Variants in DIP2A observed in about 807,000 individuals in gnomAD.
The protein encoded by DIP2A is disco-interacting protein 2 homolog A.
A neutral mutation model predicts 177.4 loss-of-function variants in DIP2A; 85 were observed. That is an observed-to-expected ratio of 0.48 (90% CI 0.40 to 0.57). The LOEUF is 0.57. DIP2A is among the 20% of genes least tolerant of loss of function. DIP2A has a pLI of 0.00. For missense variants in DIP2A, 1,791 were observed against 2,100.2 expected (o/e 0.85, Z 2.88); for synonymous variants, 886 against 881.8 (o/e 1.00, Z -0.08).
intron 27 of DIP2A, 36 bp from the exon 28 acceptor site, chr21:46,554,786 G>GGGGGGGGGGGGGGCCC: frequency 3.3e-6 from 5 of 1,519,036 alleles, no homozygotes; most frequent in Non-Finnish European, 3.5e-6. Flanking sequence ...AGCTTGAGAG[G>GGGGGGGGGGGGGGCCC]CCCCGCCCAC....
chr21:46,560,626 G>A (rs941341738), intron 32 of DIP2A, 96 bp from the exon 33 acceptor site: 12 of 1,508,810 alleles, frequency 8.0e-6, no homozygotes, highest in East Asian at 5.0e-5. Flanking sequence ...GGGTGTCCCC[G>A]GGGGCCAGGG....
chr21:46,468,261 C>CA (rs1207842729), intron 1 of DIP2A, among the ~76,000 whole-genome samples: 50,573 of 87,818 alleles, frequency 0.58, 15,270 homozygotes, highest in Middle Eastern at 0.68. Flanking sequence ...GAGACTGTCT[C>CA]AAAAAAAAAA....
Position 46,556,125 on chromosome 21 carries a change from C to G in DIP2A, c.3498+34C>G. The G allele has an allele frequency of 6.3e-7, 1 of 1,580,806 alleles. No individual in the cohort carries two copies. The highest frequency in any genetic ancestry group is 8.7e-7 in the Non-Finnish European group (1 of 1,150,244). ...TCTGAAATCTTGTTTGCTTCAGCCC[C>G]TAGAAATCAGGAGGAGTGGACAGAA... is the stretch of plus-strand genomic sequence containing the variant. On this transcript the variant is annotated intron_variant, in intron 29 of 37. Transcript: ENST00000417564. This position sits in a 1 kb window ranked among gnomAD's most constrained non-coding sequence, Gnocchi z 4.5.
At chr21:46,493,518 TTTAAA>T (rs2057139539) in intron 3 of DIP2A, among the ~76,000 whole-genome samples, 1 of 151,954 alleles carries the variant, frequency 6.6e-6, no homozygotes, top group African/African-American at 2.4e-5. Context: ...AATATTCATA[TTTAAA>T]TGATAATTTG....
chr21:46,538,780 A>C, intron 16 of DIP2A, 178 bp downstream of exon 16: 1 of 937,000 alleles, frequency 1.1e-6, no homozygotes, highest in Non-Finnish European at 1.5e-6. Flanking sequence ...TATCCCATGC[A>C]TGTTTATTAG....
At chr21:46,513,419 C>T (rs537080960) in intron 8 of DIP2A, among the ~76,000 whole-genome samples, 55 of 152,104 alleles carry the variant, frequency 3.6e-4, no homozygotes, top group Admixed American at 1.5e-3. Flanking sequence ...AATGTACTTG[C>T]GGGTCTGTTT....
intron 1 of DIP2A, among the ~76,000 whole-genome samples, chr21:46,482,764 G>T (rs187851120): frequency 6.6e-6 from 1 of 152,230 alleles, no homozygotes; most frequent in Non-Finnish European, 1.5e-5. Context: ...GAAGGACTTG[G>T]TGATATTACT....
intron 8 of DIP2A, among the ~76,000 whole-genome samples, chr21:46,521,244 A>G (rs1157635443): frequency 2.0e-5 from 3 of 152,010 alleles, no homozygotes; most frequent in Non-Finnish European, 4.4e-5. Flanking sequence ...GTTGAAGTGC[A>G]GTGGCGTGAT....
At position 46,561,121 on chromosome 21, in the gene DIP2A, G is replaced by A. The variant is rs145296731; in HGVS notation, c.4031+338G>A. On this transcript the variant is annotated intron_variant, in intron 33 of 37. Transcript: ENST00000417564. The stretch of plus-strand genomic sequence containing the variant: ...ATAAGAGTGGCCCCTGTGACATTTG[G>A]TTCTTTAGAGGGACAGGGACAGAGA... 4.3e-5 allele frequency: 28 copies of A among 658,596 alleles called. No individual in the cohort carries two copies. The African/African-American group carries it at 5.1e-4, about 12-fold the overall frequency. 40.8% of individuals were successfully genotyped at this position (658,596 alleles called of 1,614,324 possible).
rs570955447 is a variant in DIP2A, at chr21:46,539,484, C to T, written c.1922-393C>T. ...CAGGTCTCTGCGTCTCCACCCCAGG[C>T]GCACCGCCACTCCGTGGTCCCCATG... On this transcript the variant is annotated intron_variant, in intron 16 of 37. Coordinates refer to ENST00000417564, the MANE Select transcript of DIP2A (RefSeq NM_015151.4). The T allele has an allele frequency of 3.5e-4, 112 of 320,436 alleles. 1 individual carries two copies. Among genetic ancestry groups the T allele is most frequent in the South Asian group, 5.2e-4 (20 of 38,510 alleles). 19.8% of individuals were successfully genotyped at this position (320,436 alleles called of 1,614,324 possible).
At chr21:46,493,878 T>C (rs1304848502) in intron 3 of DIP2A, among the ~76,000 whole-genome samples, 1 of 152,182 alleles carries the variant, frequency 6.6e-6, no homozygotes, top group Non-Finnish European at 1.5e-5. Flanking sequence ...CCTGGACCCA[T>C]AGTCGAGCTC....
At chr21:46,538,356 G>A (rs1165241051) in intron 15 of DIP2A, 127 bp from the exon 16 acceptor site, 1 of 1,344,760 alleles carries the variant, frequency 7.4e-7, no homozygotes. Context: ...CTTGTGACCT[G>A]GGAGCTAAGT....
At chr21:46,495,581 C>T (rs992139341) in intron 3 of DIP2A, among the ~76,000 whole-genome samples, 2 of 151,760 alleles carry the variant, frequency 1.3e-5, no homozygotes, top group Admixed American at 6.6e-5. Context: ...CTCTCTCTTT[C>T]TTTTCTTCCT....
chr21:46,529,805 C>G (rs549376803), intron 9 of DIP2A, among the ~76,000 whole-genome samples: 3 of 152,076 alleles, frequency 2.0e-5, no homozygotes, highest in Non-Finnish European at 4.4e-5. Flanking sequence ...ATCTGAAGGT[C>G]TGAAACCCTG....
At chr21:46,555,769 G>A (rs973919135) in intron 28 of DIP2A, 3 of 559,604 alleles carry the variant, frequency 5.4e-6, no homozygotes, top group Admixed American at 3.0e-5. Flanking sequence ...GGCTCAGTGT[G>A]GTCTTGGTGG....
At chr21:46,527,630 A>AT (rs112647008) in intron 8 of DIP2A, among the ~76,000 whole-genome samples, 3,068 of 149,322 alleles carry the variant, frequency 0.021, 111 homozygotes, top group African/African-American at 0.071. Context: ...CCAGTCTAGT[A>AT]TTTTTTTTTT....
At chr21:46,468,809 A>G (rs879380536) in intron 1 of DIP2A, among the ~76,000 whole-genome samples, 3 of 152,238 alleles carry the variant, frequency 2.0e-5, no homozygotes, top group Non-Finnish European at 2.9e-5. Context: ...ATCAAAATTT[A>G]TATATTAAAT....
At chr21:46,510,107 G>A (rs1205518378) in intron 7 of DIP2A, among the ~76,000 whole-genome samples, 2 of 152,202 alleles carry the variant, frequency 1.3e-5, no homozygotes, top group Non-Finnish European at 2.9e-5. Flanking sequence ...CGATCACAAG[G>A]TGAGGTCCCA....
In DIP2A at chr21:46,484,860, A is replaced by G. The variant is rs200756742; in HGVS notation, c.163+32A>G. 3.4e-5 allele frequency: 52 copies of G among 1,509,504 alleles called. 2 individuals are homozygous for G. In the African/African-American group the frequency reaches 4.4e-4, roughly 13 times the overall value. 93.5% of individuals were successfully genotyped at this position (1,509,504 alleles called of 1,614,324 possible). On this transcript the variant is annotated intron_variant, in intron 2 of 37. Coordinates refer to ENST00000417564, the MANE Select transcript of DIP2A (RefSeq NM_015151.4). ...TCAATACACTCAGGTGTTACATAGC[A>G]ATTATATTGTTTCATAACATGTGAT...
Sources: allele counts gnomAD v4.1 joint callset (sites outside exome capture counted in the v4.1 genomes callset), GRCh38; gene constraint gnomAD v4.1.1; non-coding constraint Gnocchi (gnomAD v3.1); transcripts MANE v1.5; gene names NCBI Gene and HGNC (gene_info 2026-07-23, HGNC 2026-07-21).